The following DENND6B variants were observed in gnomAD, a reference collection of about 807,000 sequenced individuals.
The protein encoded by DENND6B is protein DENND6B.
In DENND6B, 73 loss-of-function variants were observed where a neutral mutation model predicts 85.1. That is an observed-to-expected ratio of 0.86 (90% CI 0.71 to 1.04). The LOEUF is 1.04. DENND6B is among the 50% of genes least tolerant of loss of function. DENND6B has a pLI of 0.00. For synonymous variants in DENND6B, 357 were observed against 329.3 expected (o/e 1.08, Z -0.91); for missense variants, 715 against 785.8 (o/e 0.91, Z 1.08).
chr22:50,309,301 A>G lies in DENND6B; in HGVS notation c.*2838T>C, dbSNP rs1224390884. On this transcript the variant is annotated 3_prime_UTR_variant, in exon 20 of 20. Transcript: ENST00000413817. ...CTCGCCAACTAAGTTCTGCCCAGCA[A>G]GCCCTCTTGCCTGCGGGGGCTGGCA... is the stretch of plus-strand genomic sequence containing the variant. The G allele has an allele frequency of 6.6e-6, 1 of 152,336 alleles. No individual in the cohort carries two copies. Among genetic ancestry groups the G allele is most frequent in the Non-Finnish European group, 1.5e-5 (1 of 68,126 alleles). The allele number at this position is 152,336 out of a possible 1,614,324, so 9.4% of individuals were successfully genotyped here. A position where few individuals can be genotyped will look rare whatever the true frequency, so the allele number is the denominator to read the frequency against.
intron 1 of DENND6B, among the ~76,000 whole-genome samples, chr22:50,326,579 G>A (rs1000923418): frequency 2.6e-5 from 4 of 152,208 alleles, no homozygotes; most frequent in Non-Finnish European, 4.4e-5. Context: ...GTACCACTTA[G>A]GTTATGCAAA....
At position 50,312,110 on chromosome 22, in the gene DENND6B, G is replaced by A. The variant is rs752517486; in HGVS notation, c.*29C>T. 1.2e-6 allele frequency: 2 copies of A among 1,609,518 alleles called. No homozygotes were observed. The highest frequency in any genetic ancestry group is 1.1e-5 in the South Asian group (1 of 90,736). ...AGTGGGAGGCTCAGGCAGACCTAGGGCCCTGGGACCGTGGCCCTTGGCTTT... is the reference window on the plus strand; with the variant it reads ...AGTGGGAGGCTCAGGCAGACCTAGGACCCTGGGACCGTGGCCCTTGGCTTT... On this transcript the variant is annotated 3_prime_UTR_variant, in exon 20 of 20. Coordinates refer to ENST00000413817, the MANE Select transcript of DENND6B (RefSeq NM_001001794.4).
chr22:50,319,885 A>C (rs2041989846), intron 1 of DENND6B, among the ~76,000 whole-genome samples: 1 of 152,248 alleles, frequency 6.6e-6, no homozygotes, highest in Non-Finnish European at 1.5e-5. Flanking sequence ...GGAGGAGAGC[A>C]TGATGCTAAG....
intron 8 of DENND6B, 87 bp downstream of exon 8, chr22:50,315,938 A>G (rs1337630179): frequency 6.3e-7 from 1 of 1,596,434 alleles, no homozygotes; most frequent in Non-Finnish European, 8.6e-7. Flanking sequence ...GAACCAAGGA[A>G]GCAGGTGTGG....
chr22:50,313,532 G>A (rs1310493583), intron 15 of DENND6B, 33 bp from the exon 16 acceptor site: 17 of 1,537,570 alleles, frequency 1.1e-5, no homozygotes, highest in Non-Finnish European at 1.5e-5. Context: ...TGAGCCCGGG[G>A]ACCCATGCCC....
At chr22:50,317,112 TGGGGGGC>T in intron 5 of DENND6B, 174 bp downstream of exon 5, 2 of 164,266 alleles carry the variant, frequency 1.2e-5, no homozygotes, top group South Asian at 4.9e-5. Flanking sequence ...GAGGACAGGG[TGGGGGGC>T]GGCGAGGACA....
At position 50,314,496 on chromosome 22, in the gene DENND6B, TAGAC is replaced by T. The variant is rs767853826; in HGVS notation, c.978-6_978-3del. Reference sequence around the variant, plus strand: ...GTGACTCCCAGGACCACGTTTGGTCTAGACAGACAGAGAGAGAGAAGAGGCAGAG... The same window carrying T: ...GTGACTCCCAGGACCACGTTTGGTCTAGACAGAGAGAGAGAAGAGGCAGAG... On this transcript the variant is annotated splice_polypyrimidine_tract_variant and splice_region_variant and intron_variant, in intron 11 of 19. Coordinates refer to ENST00000413817, the MANE Select transcript of DENND6B (RefSeq NM_001001794.4). 2.0e-5 allele frequency: 31 copies of T among 1,557,686 alleles called. No individual in the cohort carries two copies. Among genetic ancestry groups the T allele is most frequent in the Non-Finnish European group, 2.3e-5 (27 of 1,150,192 alleles).
Position 50,312,524 on chromosome 22 carries a change from G to A in DENND6B, c.1559C>T (p.Ala520Val), listed in dbSNP as rs749252524. 3.8e-4 allele frequency: 591 copies of A among 1,548,800 alleles called. No homozygotes were observed. The highest frequency in any genetic ancestry group is 4.9e-4 in the Non-Finnish European group (561 of 1,144,662). Reference sequence around the variant, plus strand: ...TCCCCAACCCCCAGCCTCTCTCACCGCCTCACAGATAGCCTCCAGGTGCAG... The same window carrying A: ...TCCCCAACCCCCAGCCTCTCTCACCACCTCACAGATAGCCTCCAGGTGCAG... ...EALHLEAICE[A>V]NIETWMKDKS... is the part of the protein sequence containing the mutation. Residue 520 changes from alanine (A) to valine (V), a missense_variant and splice_region_variant, in exon 18 of 20, where the codon GCG becomes GTG. By Grantham distance (64) the Ala-to-Val change is moderately conservative. Transcript: ENST00000413817.
rs759383656 is a variant in DENND6B at position 50,312,098 on chromosome 22, G to A, written c.*41C>T. Reference sequence around the variant, plus strand: ...CCACCACTGGGGAGTGGGAGGCTCAGGCAGACCTAGGGCCCTGGGACCGTG... The same window carrying A: ...CCACCACTGGGGAGTGGGAGGCTCAAGCAGACCTAGGGCCCTGGGACCGTG... On this transcript the variant is annotated 3_prime_UTR_variant, in exon 20 of 20. Transcript: ENST00000413817. The A allele has an allele frequency of 6.2e-7, 1 of 1,601,598 alleles. No homozygotes were observed. The highest frequency in any genetic ancestry group is 1.1e-5 in the South Asian group (1 of 90,044).
At chr22:50,314,372 AC>A in intron 12 of DENND6B, 27 bp downstream of exon 12, 3 of 1,565,074 alleles carry the variant, frequency 1.9e-6, no homozygotes, top group East Asian at 2.4e-5. Context: ...TCTGAGCAGC[AC>A]CCCCTGCACC....
chr22:50,316,092 GAGA>G lies in DENND6B; in HGVS notation c.640-8_640-6del, dbSNP rs754022967. 9.9e-6 allele frequency: 16 copies of G among 1,612,594 alleles called. No homozygotes were observed. The highest frequency in any genetic ancestry group is 3.3e-5 in the Admixed American group (2 of 60,010). ...CACCCTGGATGGGATGCGCACCTGGGAGAAGGAGGGAGCAGCTGCCAGAGGGAG... is the reference window on the plus strand; with the variant it reads ...CACCCTGGATGGGATGCGCACCTGGGAGGAGGGAGCAGCTGCCAGAGGGAG... On this transcript the variant is annotated splice_polypyrimidine_tract_variant and splice_region_variant and intron_variant, in intron 7 of 19. Coordinates refer to ENST00000413817, the MANE Select transcript of DENND6B (RefSeq NM_001001794.4).
At chr22:50,320,633 C>T (rs556374793) in intron 1 of DENND6B, among the ~76,000 whole-genome samples, 2 of 152,218 alleles carry the variant, frequency 1.3e-5, no homozygotes, top group South Asian at 2.1e-4. Flanking sequence ...AGGAGGAGGA[C>T]GAGGGTGGAA....
Position 50,314,284 on chromosome 22 carries a change from G to A in DENND6B, c.1073-12C>T, listed in dbSNP as rs375672773. On this transcript the variant is annotated splice_polypyrimidine_tract_variant and intron_variant, in intron 12 of 19. Transcript: ENST00000413817. ...CTTAGGCAGGTCTCCTACGAGACAC[G>A]CCCGGTGGCCAGGCCTCAGTGCCCG... 113 of 1,608,006 alleles carry A rather than the reference G, an allele frequency of 7.0e-5. 1 individual carries two copies. Among genetic ancestry groups the A allele is most frequent in the Middle Eastern group, 6.6e-4 (4 of 6,060 alleles).
At chr22:50,315,158 C>T (rs1197709620) in intron 9 of DENND6B, 3 of 582,414 alleles carry the variant, frequency 5.2e-6, no homozygotes, top group Non-Finnish European at 8.7e-6. Context: ...CCTGGACCCA[C>T]CTGTGAGGGA....
chr22:50,314,989 C>T, intron 9 of DENND6B, 68 bp from the exon 10 acceptor site: 1 of 1,583,098 alleles, frequency 6.3e-7, no homozygotes, highest in South Asian at 1.1e-5. Context: ...GCCCCGCTCT[C>T]CCACCGTTCA....
intron 5 of DENND6B, 110 bp downstream of exon 5, chr22:50,317,183 G>A: frequency 8.7e-7 from 1 of 1,155,722 alleles, no homozygotes; most frequent in Non-Finnish European, 1.2e-6. Flanking sequence ...GCTGCAGGAG[G>A]GGTGGGCACT....
intron 1 of DENND6B, among the ~76,000 whole-genome samples, chr22:50,319,965 A>T (rs146310944): frequency 0.021 from 3,198 of 152,296 alleles, 59 homozygotes; most frequent in Admixed American, 0.032. Flanking sequence ...TGAGCCTGGG[A>T]GCCCAGCCCA....
In DENND6B at chr22:50,317,387, G is replaced by A. The variant is rs2041886711; in HGVS notation, c.373-14C>T. The A allele has an allele frequency of 7.4e-6, 12 of 1,612,544 alleles. No individual in the cohort carries two copies. The highest frequency in any genetic ancestry group is 1.1e-5 in the South Asian group (1 of 91,066). The stretch of plus-strand genomic sequence containing the variant: ...TGCCGGCTCCCTCTGCAAGGAGCAT[G>A]GTGTTAGCCAGCCACGCCCCACCCG... On this transcript the variant is annotated splice_polypyrimidine_tract_variant and intron_variant, in intron 4 of 19. Coordinates refer to ENST00000413817, the MANE Select transcript of DENND6B (RefSeq NM_001001794.4).
intron 1 of DENND6B, among the ~76,000 whole-genome samples, chr22:50,320,373 G>A (rs1323430788): frequency 1.3e-5 from 2 of 152,220 alleles, no homozygotes; most frequent in African/African-American, 2.4e-5. Context: ...CGTGAGCCAC[G>A]CCCAGCTTGC....
Sources: allele counts gnomAD v4.1 joint callset (sites outside exome capture counted in the v4.1 genomes callset), GRCh38; gene constraint gnomAD v4.1.1; transcripts MANE v1.5; gene names NCBI Gene and HGNC (gene_info 2026-07-23, HGNC 2026-07-21).